Variants in PTPRD observed in about 807,000 individuals in gnomAD.
The protein encoded by PTPRD is receptor-type tyrosine-protein phosphatase delta.
Under a neutral mutation model 214.5 loss-of-function variants are expected in PTPRD, and 34 were observed. That is an observed-to-expected ratio of 0.16 (90% CI 0.12 to 0.21). PTPRD has a LOEUF of 0.21. Ranked by LOEUF, PTPRD falls within the 10% of genes least tolerant of loss-of-function variation. The pLI is 1.00. For synonymous variants in PTPRD, 1,128 were observed against 845.7 expected (o/e 1.33, Z -5.79); for missense variants, 2,545 against 2,398.7 (o/e 1.06, Z -1.27).
intron 3 of PTPRD, among the ~76,000 whole-genome samples, chr9:10,290,014 C>T (rs571392669): frequency 6.6e-6 from 1 of 152,114 alleles, no homozygotes; most frequent in South Asian, 2.1e-4. Flanking sequence ...TTGGATTTTT[C>T]CTAAATGCTT....
chr9:9,281,842 G>C (rs1445518236), intron 9 of PTPRD, among the ~76,000 whole-genome samples: 4 of 150,702 alleles, frequency 2.7e-5, no homozygotes, highest in East Asian at 2.0e-4. Flanking sequence ...AAAAAAACTT[G>C]AAAGCAATCA....
chr9:9,693,531 C>T (rs745821842), intron 7 of PTPRD, among the ~76,000 whole-genome samples: 1 of 151,930 alleles, frequency 6.6e-6, no homozygotes, highest in African/African-American at 2.4e-5. Context: ...TCTTTATAGC[C>T]GTGTGAAAAT....
chr9:8,717,046 T>C (rs1236122179), intron 12 of PTPRD, among the ~76,000 whole-genome samples: 1 of 152,110 alleles, frequency 6.6e-6, no homozygotes, highest in Non-Finnish European at 1.5e-5. Flanking sequence ...CATGTGCCTG[T>C]AATCCCAGCT....
chr9:8,341,215 T>C lies in PTPRD; in HGVS notation c.5001A>G (p.Pro1667=), dbSNP rs372423622. ...CAAGGCGATTTTTGAATTTATTACA[T>C]GGAAGATTGGCACTGATAAACCTTG... The part of the protein sequence containing the change: ...HTSRFISANL[P]CNKFKNRLVN... The change falls in exon 41 of 46, where the codon CCA becomes CCG. Residue 1667 remains proline (P), a synonymous_variant. Coordinates refer to ENST00000381196, the MANE Select transcript of PTPRD (RefSeq NM_002839.4). 1.3e-5 allele frequency: 21 copies of C among 1,612,702 alleles called. 1 individual carries two copies. In the African/African-American group the frequency reaches 2.4e-4, roughly 19 times the overall value.
chr9:8,897,255 G>A lies in PTPRD; in HGVS notation c.-104+121442C>T, dbSNP rs565695586. ...TGTAGACACTCATCTCAAGGTACATGCAGACTGACTCATAGCTAAATGAGT... is the reference window on the plus strand; with the variant it reads ...TGTAGACACTCATCTCAAGGTACATACAGACTGACTCATAGCTAAATGAGT... On this transcript the variant is annotated intron_variant, in intron 11 of 45. Coordinates refer to ENST00000381196, the MANE Select transcript of PTPRD (RefSeq NM_002839.4). 3.7e-4 allele frequency among the ~76,000 whole-genome samples: 57 copies of A among 152,260 alleles called. No individual in the cohort carries two copies. The South Asian group carries it at 0.011, about 29-fold the overall frequency.
intron 9 of PTPRD, among the ~76,000 whole-genome samples, chr9:9,236,237 G>A (rs562183281): frequency 6.6e-6 from 1 of 151,942 alleles, no homozygotes; most frequent in Non-Finnish European, 1.5e-5. Flanking sequence ...TGGGCAACAA[G>A]AACAAAACCC....
chr9:8,777,449 T>C (rs935174731), intron 11 of PTPRD, among the ~76,000 whole-genome samples: 2 of 152,340 alleles, frequency 1.3e-5, no homozygotes, highest in East Asian at 1.9e-4. Flanking sequence ...TTGAAAGTAG[T>C]TGCCATACCT....
At chr9:9,898,206 G>A (rs1392882023) in intron 5 of PTPRD, among the ~76,000 whole-genome samples, 1 of 152,036 alleles carries the variant, frequency 6.6e-6, no homozygotes, top group African/African-American at 2.4e-5. Context: ...GATTAACACA[G>A]AAATATAGAG....
At chr9:9,237,602 T>C (rs75158087) in intron 9 of PTPRD, among the ~76,000 whole-genome samples, 3 of 152,268 alleles carry the variant, frequency 2.0e-5, no homozygotes, top group Admixed American at 6.5e-5. Context: ...ATTTGCTGTT[T>C]TGTTGGTTGA....
At chr9:9,827,657 G>A (rs142519359) in intron 5 of PTPRD, among the ~76,000 whole-genome samples, 24 of 152,166 alleles carry the variant, frequency 1.6e-4, no homozygotes, top group South Asian at 1.0e-3. Flanking sequence ...ACTGATAAAC[G>A]GGATCTAATT....
chr9:10,582,478 C>T (rs2072262785), intron 2 of PTPRD, among the ~76,000 whole-genome samples: 1 of 152,180 alleles, frequency 6.6e-6, no homozygotes, highest in Non-Finnish European at 1.5e-5. Context: ...CTTGTTTCTA[C>T]TTTATCCATA....
chr9:9,554,024 T>C (rs756607533), intron 8 of PTPRD, among the ~76,000 whole-genome samples: 3 of 152,044 alleles, frequency 2.0e-5, no homozygotes, highest in Non-Finnish European at 2.9e-5. Context: ...CATCTGAGAA[T>C]TGATGCCATT....
chr9:10,015,247 C>T (rs543860560), intron 4 of PTPRD, among the ~76,000 whole-genome samples: 2 of 152,138 alleles, frequency 1.3e-5, no homozygotes, highest in African/African-American at 2.4e-5. Flanking sequence ...CTAACAATGC[C>T]GCTAATTGAA....
At chr9:8,702,887 G>A (rs536711819) in intron 12 of PTPRD, among the ~76,000 whole-genome samples, 34 of 152,320 alleles carry the variant, frequency 2.2e-4, no homozygotes, top group Admixed American at 2.1e-3. Flanking sequence ...GATTACAGGC[G>A]TGAGCCACTG....
rs75253171 is a variant in PTPRD at position 8,583,898 on chromosome 9, T to C, written c.352+49419A>G. 9.2e-3 allele frequency among the ~76,000 whole-genome samples: 1,400 copies of C among 152,344 alleles called. 14 individuals carry two copies. Among genetic ancestry groups the C allele is most frequent in the African/African-American group, 0.032 (1,333 of 41,580 alleles). ...TGGGTGCAGTGGCTCATGCCTGTAA[T>C]CTCAGCATTTTGGGAAGCCAAGGCG... On this transcript the variant is annotated intron_variant, in intron 14 of 45. Transcript: ENST00000381196.
At chr9:10,361,719 T>C (rs2097396679) in intron 2 of PTPRD, among the ~76,000 whole-genome samples, 1 of 152,154 alleles carries the variant, frequency 6.6e-6, no homozygotes, top group African/African-American at 2.4e-5. Context: ...CCATTCCTGT[T>C]AGGTATTGAA....
At chr9:9,711,783 G>C (rs1039192654) in intron 7 of PTPRD, among the ~76,000 whole-genome samples, 1 of 152,168 alleles carries the variant, frequency 6.6e-6, no homozygotes, top group African/African-American at 2.4e-5. Context: ...ATAGTGCAGA[G>C]ACCGAAAAAC....
chr9:9,552,942 T>C (rs2080675349), intron 8 of PTPRD, among the ~76,000 whole-genome samples: 1 of 152,072 alleles, frequency 6.6e-6, no homozygotes, highest in African/African-American at 2.4e-5. Flanking sequence ...GAGCATTTGG[T>C]CAGATTTCAA....
chr9:9,916,517 C>A (rs2080857148), intron 5 of PTPRD, among the ~76,000 whole-genome samples: 1 of 150,720 alleles, frequency 6.6e-6, no homozygotes, highest in Non-Finnish European at 1.5e-5. Context: ...TTTTAAAATC[C>A]TCTCTCTATA....
Sources: gnomAD v4.1 joint callset for allele counts (sites outside exome capture counted in the v4.1 genomes callset) on GRCh38, gnomAD v4.1.1 for gene constraint, MANE v1.5 for transcripts, NCBI Gene and HGNC (gene_info 2026-07-23, HGNC 2026-07-21) for gene names.